ASIC2: variants seen among roughly 807,000 people sequenced by gnomAD.
ASIC2 encodes acid sensing ion channel subunit 2, also known as acid-sensing ion channel 2.
In ASIC2, 25 loss-of-function variants were observed where a neutral mutation model predicts 57.3. The observed-to-expected ratio is 0.44, with a 90% CI of 0.32 to 0.61. The LOEUF is 0.61. ASIC2 is among the 20% of genes least tolerant of loss of function. The pLI is 0.06. For missense variants in ASIC2, 641 were observed against 738.1 expected (o/e 0.87, Z 1.52); for synonymous variants, 319 against 307.5 (o/e 1.04, Z -0.39).
chr17:33,967,243 T>C (rs1290019375), intron 1 of ASIC2, among the ~76,000 whole-genome samples: 3 of 149,158 alleles, frequency 2.0e-5, no homozygotes, highest in African/African-American at 4.9e-5. Context: ...GAATTCTTTT[T>C]TTCTGAGAGA....
At chr17:33,268,039 G>A (rs776912689) in intron 1 of ASIC2, among the ~76,000 whole-genome samples, 2 of 152,104 alleles carry the variant, frequency 1.3e-5, no homozygotes, top group South Asian at 2.1e-4. Context: ...AAGATATATC[G>A]ACAAAGGACT....
At chr17:33,974,294 G>A (rs115985065) in intron 1 of ASIC2, among the ~76,000 whole-genome samples, 44 of 152,024 alleles carry the variant, frequency 2.9e-4, no homozygotes, top group African/African-American at 8.0e-4. Context: ...CAGCTACAAC[G>A]TTAAGGAAGC....
intron 3 of ASIC2, among the ~76,000 whole-genome samples, chr17:33,062,552 T>A (rs2092025301): frequency 6.6e-6 from 1 of 152,248 alleles, no homozygotes; most frequent in South Asian, 2.1e-4. Context: ...TCTGTTCTTT[T>A]ACACTTGCTG....
At chr17:33,884,971 A>G (rs1422872091) in intron 1 of ASIC2, among the ~76,000 whole-genome samples, 1 of 152,220 alleles carries the variant, frequency 6.6e-6, no homozygotes, top group East Asian at 1.9e-4. Context: ...AACATCCTCA[A>G]AGATTTTATA....
intron 1 of ASIC2, among the ~76,000 whole-genome samples, chr17:34,117,411 A>C (rs753927036): frequency 2.0e-5 from 3 of 152,192 alleles, no homozygotes; most frequent in Non-Finnish European, 4.4e-5. Context: ...GAGTTTCCCC[A>C]ATGTTGAAAT....
At chr17:33,454,005 T>C (rs2141991857) in intron 1 of ASIC2, among the ~76,000 whole-genome samples, 1 of 152,348 alleles carries the variant, frequency 6.6e-6, no homozygotes, top group South Asian at 2.1e-4. Context: ...CATAGTTTGT[T>C]TACCCATTCA....
chr17:33,480,286 G>T (rs1913360627), intron 1 of ASIC2, among the ~76,000 whole-genome samples: 7 of 152,024 alleles, frequency 4.6e-5, no homozygotes, highest in Admixed American at 3.9e-4. Context: ...TAAACATAAA[G>T]AAAAAGAACA....
At chr17:33,891,940 T>C (rs1033819942) in intron 1 of ASIC2, among the ~76,000 whole-genome samples, 2 of 152,244 alleles carry the variant, frequency 1.3e-5, no homozygotes, top group Non-Finnish European at 2.9e-5. Context: ...CTCTATTTTT[T>C]CTTTACTTGG....
At chr17:33,639,030 A>C (rs888724971) in intron 1 of ASIC2, among the ~76,000 whole-genome samples, 2 of 151,832 alleles carry the variant, frequency 1.3e-5, no homozygotes, top group Non-Finnish European at 2.9e-5. Context: ...CAAAGCAAAG[A>C]ATGAAGAGAG....
chr17:34,084,551 T>G (rs536013421), intron 1 of ASIC2, among the ~76,000 whole-genome samples: 109 of 152,350 alleles, frequency 7.2e-4, no homozygotes, highest in African/African-American at 2.4e-3. Flanking sequence ...ATATGAACTT[T>G]AAAGTAGTTT....
rs1422139220 is a variant in ASIC2 at position 33,112,477 on chromosome 17, G to A, written c.709-410C>T. On this transcript the variant is annotated intron_variant, in intron 1 of 9. Transcript: ENST00000225823. ...TCTTATAAGCATACCTTTGAGATGT[G>A]CTTCAAGCAGACCCTGGGCACTCAG... Among the ~76,000 whole-genome samples, 8 of 152,104 alleles carry A rather than the reference G, an allele frequency of 5.3e-5. No homozygotes were observed. The East Asian group carries it at 1.5e-3, about 29-fold the overall frequency.
chr17:33,150,256 C>A (rs188072026), intron 1 of ASIC2, among the ~76,000 whole-genome samples: 1 of 152,312 alleles, frequency 6.6e-6, no homozygotes, highest in East Asian at 1.9e-4. Flanking sequence ...CAATTGAAGA[C>A]AAATGGATTT....
intron 1 of ASIC2, among the ~76,000 whole-genome samples, chr17:33,191,959 A>G (rs1449144151): frequency 6.6e-6 from 1 of 152,130 alleles, no homozygotes; most frequent in Non-Finnish European, 1.5e-5. Context: ...ATGTTGCAGA[A>G]TTTAACTGAA....
intron 1 of ASIC2, among the ~76,000 whole-genome samples, chr17:34,134,088 T>C (rs1912065970): frequency 6.6e-6 from 1 of 152,162 alleles, no homozygotes; most frequent in African/African-American, 2.4e-5. Flanking sequence ...AGGTACTGAT[T>C]CTCTAATTCA....
At chr17:33,549,455 T>C (rs1203731684) in intron 1 of ASIC2, among the ~76,000 whole-genome samples, 2 of 152,176 alleles carry the variant, frequency 1.3e-5, no homozygotes, top group Admixed American at 1.3e-4. Context: ...TTCAAAGCTA[T>C]AATCATGGGG....
intron 1 of ASIC2, among the ~76,000 whole-genome samples, chr17:33,451,182 G>A (rs1037148478): frequency 3.3e-5 from 5 of 151,344 alleles, no homozygotes; most frequent in Non-Finnish European, 5.9e-5. Context: ...TCAGCCACCC[G>A]AGTAGCTGGG....
chr17:33,358,248 C>A (rs953878792), intron 1 of ASIC2, among the ~76,000 whole-genome samples: 2 of 152,238 alleles, frequency 1.3e-5, no homozygotes, highest in African/African-American at 4.8e-5. Context: ...TGCCTTTTCA[C>A]TCCAACGGCA....
intron 2 of ASIC2, among the ~76,000 whole-genome samples, chr17:33,100,657 A>T (rs1204291846): frequency 3.3e-5 from 5 of 152,188 alleles, no homozygotes; most frequent in Non-Finnish European, 5.9e-5. Flanking sequence ...TCCATCTACC[A>T]TCTAAAAAGA....
chr17:33,683,847 G>C (rs117425815), intron 1 of ASIC2, among the ~76,000 whole-genome samples: 1,555 of 152,238 alleles, frequency 0.01, 10 homozygotes, highest in Non-Finnish European at 0.015. Context: ...AGTTACATCG[G>C]ATTAGGAGCC....
Sources: allele counts gnomAD v4.1 joint callset (sites outside exome capture counted in the v4.1 genomes callset), GRCh38; gene constraint gnomAD v4.1.1; transcripts MANE v1.5; gene names NCBI Gene and HGNC (gene_info 2026-07-23, HGNC 2026-07-21).